SERINC1: variants seen among roughly 807,000 people sequenced by gnomAD.
SERINC1 encodes the protein serine incorporator 1.
SERINC1 carries 38 observed loss-of-function variants against 52.9 expected under a neutral mutation model. The ratio of observed to expected loss-of-function variants is 0.72; its 90% CI spans 0.55 to 0.94. The LOEUF (loss-of-function observed/expected upper bound fraction) is 0.94, where lower values mean the gene tolerates loss of function less well. Among genes scored for constraint, SERINC1 ranks in the 40% least tolerant of loss-of-function variants. The pLI is 0.00. For missense variants in SERINC1, 471 were observed against 533.9 expected (o/e 0.88, Z 1.16); for synonymous variants, 198 against 183.1 (o/e 1.08, Z -0.66).
chr6:122,455,687 A>C (rs1774981034), intron 3 of SERINC1, among the ~76,000 whole-genome samples: 1 of 152,154 alleles, frequency 6.6e-6, no homozygotes. Flanking sequence ...AATTACATAA[A>C]CTGCTTTTAA....
intron 1 of SERINC1, 54 bp downstream of exon 1, chr6:122,471,645 C>T (rs1582640986): frequency 6.2e-7 from 1 of 1,612,732 alleles, no homozygotes; most frequent in East Asian, 2.2e-5. Context: ...GCTCGGATCG[C>T]CTTCTCTTTG....
At chr6:122,470,262 A>G (rs374947615) in intron 1 of SERINC1, among the ~76,000 whole-genome samples, 1 of 152,218 alleles carries the variant, frequency 6.6e-6, no homozygotes, top group South Asian at 2.1e-4. Flanking sequence ...CTATTAACAC[A>G]GAAACTAAAA....
rs1048381417 is a variant in SERINC1, at chr6:122,447,342, A to ACT, written c.851-79_851-78dup. 5.4e-6 allele frequency: 6 copies of ACT among 1,110,858 alleles called. No individual in the cohort carries two copies. In the African/African-American group the frequency reaches 9.4e-5, roughly 17 times the overall value. 68.8% of individuals were successfully genotyped at this position (1,110,858 alleles called of 1,614,324 possible). A position where few individuals can be genotyped will look rare whatever the true frequency, so the allele number is the denominator to read the frequency against. On this transcript the variant is annotated intron_variant, in intron 7 of 9. Transcript: ENST00000339697. Reference sequence around the variant, plus strand: ...TCAGAGCAAACAAAAGTTATTTTTAACTCTCTATACCCCTGCAAATTGAGA... The same window carrying ACT: ...TCAGAGCAAACAAAAGTTATTTTTAACTCTCTCTATACCCCTGCAAATTGAGA...
chr6:122,446,697 CACAT>C, intron 9 of SERINC1, 73 bp downstream of exon 9: 1 of 933,134 alleles, frequency 1.1e-6, no homozygotes, highest in Non-Finnish European at 1.7e-6. Context: ...TACTTCATAT[CACAT>C]CATGGTTTCA....
Position 122,451,776 on chromosome 6 carries a change from A to AAAAAAAAAAAAAT in SERINC1, c.760-23_760-22insATTTTTTTTTTTT. On this transcript the variant is annotated intron_variant, in intron 6 of 9. Coordinates refer to ENST00000339697, the MANE Select transcript of SERINC1 (RefSeq NM_020755.4). ...ATTCCTACAAAAAAAAAAAAAAAAA[A>AAAAAAAAAAAAAT]ATATATATATATATATATAGCAACA... The AAAAAAAAAAAAAT allele has an allele frequency of 2.1e-4, 24 of 113,040 alleles. 1 individual carries two copies. Among genetic ancestry groups the AAAAAAAAAAAAAT allele is most frequent in the South Asian group, 1.3e-3 (2 of 1,584 alleles). 7.0% of individuals were successfully genotyped at this position (113,040 alleles called of 1,614,324 possible). A position where few individuals can be genotyped will look rare whatever the true frequency, so the allele number is the denominator to read the frequency against.
At chr6:122,454,101 G>T in intron 4 of SERINC1, 50 bp downstream of exon 4, 4 of 1,288,938 alleles carry the variant, frequency 3.1e-6, no homozygotes, top group Non-Finnish European at 4.4e-6. Context: ...AATTATTTCA[G>T]ATTCCTTTAT....
intron 7 of SERINC1, among the ~76,000 whole-genome samples, chr6:122,448,707 G>A (rs10484445): frequency 0.09 from 13,562 of 150,794 alleles, 747 homozygotes; most frequent in South Asian, 0.15. Flanking sequence ...ACAATTATAT[G>A]CTCTATGCAA....
chr6:122,452,152 C>A, intron 5 of SERINC1, 95 bp from the exon 6 acceptor site: 1 of 798,988 alleles, frequency 1.3e-6, no homozygotes, highest in South Asian at 3.7e-5. Flanking sequence ...GTCATTTTGT[C>A]AAAAAATATA....
Position 122,456,567 on chromosome 6 carries a change from A to C in SERINC1, c.285T>G (p.Phe95Leu). ...VGYKAVYRLCFGLAMFYLLLS... is the reference protein window; with the variant it reads ...VGYKAVYRLCLGLAMFYLLLS... Reference sequence around the variant, plus strand: ...GAAGAAGATAGAACATAGCCAAACCAAAGCACAAACGATATACAGCTTTAT... The same window carrying C: ...GAAGAAGATAGAACATAGCCAAACCCAAGCACAAACGATATACAGCTTTAT... Residue 95 changes from phenylalanine to leucine, a missense_variant, in exon 3 of 10, where the codon TTT (phenylalanine) becomes TTG (leucine). Transcript: ENST00000339697. 3 of 1,613,036 alleles carry C rather than the reference A, an allele frequency of 1.9e-6. No individual in the cohort carries two copies. Among genetic ancestry groups the C allele is most frequent in the Non-Finnish European group, 2.5e-6 (3 of 1,179,300 alleles).
Position 122,456,593 on chromosome 6 carries a change from A to G in SERINC1, c.259T>C (p.Tyr87His). 1 of 1,612,548 alleles carries G rather than the reference A, an allele frequency of 6.2e-7. No individual in the cohort carries two copies. The highest frequency in any genetic ancestry group is 8.5e-7 in the Non-Finnish European group (1 of 1,179,132). ...GVVPCNILVG[Y>H]KAVYRLCFGL... ...AAGCACAAACGATATACAGCTTTAT[A>G]GCCAACCAAAATGTTACAAGGGACA... is the stretch of plus-strand genomic sequence containing the variant. The change falls in exon 3 of 10, where the codon TAT becomes CAT. Residue 87 changes from tyrosine to histidine, a missense_variant. Transcript: ENST00000339697.
rs1775045736 is a variant in SERINC1 at position 122,458,689 on chromosome 6, A to G, written c.40-8T>C. 6.4e-7 allele frequency: 1 copy of G among 1,571,886 alleles called. No homozygotes were observed. Among genetic ancestry groups the G allele is most frequent in the African/African-American group, 1.4e-5 (1 of 73,904 alleles). Reference sequence around the variant, plus strand: ...TCCACACAAACATGGTATCTGGGAAAAAGAATATTATTGAAAATATTATTA... The same window carrying G: ...TCCACACAAACATGGTATCTGGGAAGAAGAATATTATTGAAAATATTATTA... On this transcript the variant is annotated splice_region_variant and splice_polypyrimidine_tract_variant and intron_variant, in intron 1 of 9. Coordinates refer to ENST00000339697, the MANE Select transcript of SERINC1 (RefSeq NM_020755.4).
chr6:122,450,497 C>A (rs566686549), intron 7 of SERINC1, among the ~76,000 whole-genome samples: 5 of 152,190 alleles, frequency 3.3e-5, no homozygotes, highest in African/African-American at 1.2e-4. Flanking sequence ...TATTCTGCAG[C>A]CCATGGAAAA....
intron 1 of SERINC1, among the ~76,000 whole-genome samples, chr6:122,469,143 T>A (rs1015746057): frequency 3.3e-5 from 5 of 152,150 alleles, no homozygotes; most frequent in Admixed American, 1.3e-4. Flanking sequence ...AAACAAAAAG[T>A]GAACAATTTA....
At chr6:122,462,705 T>C (rs1159235367) in intron 1 of SERINC1, among the ~76,000 whole-genome samples, 1 of 152,126 alleles carries the variant, frequency 6.6e-6, no homozygotes, top group Non-Finnish European at 1.5e-5. Context: ...AAAAAGTCAA[T>C]ATACACAATC....
chr6:122,461,072 A>G lies in SERINC1; in HGVS notation c.40-2391T>C, dbSNP rs534631404. ...TTGTGAGACAACTTTAAATAGCCTA[A>G]TATAAGTGAAATTAGAGTCCCTGAA... On this transcript the variant is annotated intron_variant, in intron 1 of 9. Transcript: ENST00000339697. Among the ~76,000 whole-genome samples, 4 of 152,292 alleles carry G rather than the reference A, an allele frequency of 2.6e-5. No individual in the cohort carries two copies. The East Asian group carries it at 5.8e-4, about 22-fold the overall frequency.
At chr6:122,453,640 A>G (rs529295557) in intron 5 of SERINC1, 130 bp downstream of exon 5, 109 of 669,648 alleles carry the variant, frequency 1.6e-4, no homozygotes, top group Admixed American at 2.9e-4. Flanking sequence ...TGACACTCAC[A>G]AAGTTTAAAT....
chr6:122,450,330 T>C (rs1774883030), intron 7 of SERINC1, among the ~76,000 whole-genome samples: 1 of 152,190 alleles, frequency 6.6e-6, no homozygotes, highest in Admixed American at 6.5e-5. Context: ...CTGTTGAAAG[T>C]ATGGGTTACG....
At chr6:122,448,038 G>C (rs2114474753) in intron 7 of SERINC1, among the ~76,000 whole-genome samples, 1 of 151,594 alleles carries the variant, frequency 6.6e-6, no homozygotes, top group East Asian at 2.0e-4. Context: ...TCGAACCCGG[G>C]AGGCGGTTGC....
rs913710700 is a variant in SERINC1, at chr6:122,443,531, T to C, written c.*1513A>G. The C allele has an allele frequency of 1.3e-5, 2 of 152,198 alleles. No homozygotes were observed. The highest frequency in any genetic ancestry group is 2.9e-5 in the Non-Finnish European group (2 of 68,022). 9.4% of individuals were successfully genotyped at this position (152,198 alleles called of 1,614,324 possible). ...AGCTTCATTAGACACTAGTGACACA[T>C]ACAAATAACTAAACTCTCATACTGC... is the stretch of plus-strand genomic sequence containing the variant. On this transcript the variant is annotated 3_prime_UTR_variant, in exon 10 of 10. Transcript: ENST00000339697.
Sources: gnomAD v4.1 joint callset for allele counts (sites outside exome capture counted in the v4.1 genomes callset) on GRCh38, gnomAD v4.1.1 for gene constraint, MANE v1.5 for transcripts, NCBI Gene and HGNC (gene_info 2026-07-23, HGNC 2026-07-21) for gene names.